Variants in ACER3 observed in about 807,000 individuals in gnomAD.
The protein encoded by ACER3 is alkaline ceramidase 3, also known as alkCDase 3.
ACER3 carries 16 observed loss-of-function variants against 48.9 expected under a neutral mutation model. That is an observed-to-expected ratio of 0.33 (90% CI 0.22 to 0.50). The LOEUF (loss-of-function observed/expected upper bound fraction) is 0.50. Among genes scored for constraint, ACER3 ranks in the 20% least tolerant of loss-of-function variants. The probability of loss-of-function intolerance (pLI) is 0.98; values close to 1 mark genes in which losing one functional copy is unlikely to be tolerated. For synonymous variants in ACER3, 109 were observed against 107.8 expected (o/e 1.01, Z -0.07); for missense variants, 227 against 326.0 (o/e 0.70, Z 2.34).
At chr11:76,918,656 A>C (rs1246661028) in intron 1 of ACER3, among the ~76,000 whole-genome samples, 3 of 152,002 alleles carry the variant, frequency 2.0e-5, no homozygotes, top group Non-Finnish European at 4.4e-5. Flanking sequence ...TATTCTATGG[A>C]TCTTTCTCAT....
intron 7 of ACER3, among the ~76,000 whole-genome samples, chr11:77,008,831 G>A (rs1467779033): frequency 2.0e-5 from 3 of 152,160 alleles, no homozygotes; most frequent in Non-Finnish European, 4.4e-5. Context: ...CAAGGCAGGA[G>A]GATTACTTGA....
rs199916449 is a variant in ACER3, at chr11:76,990,518, G to A, written c.403-21G>A. ...TTCATAATGTACTTCATTCACATGT[G>A]TTTTTTCTAATATTTTGCAGGTTTA... On this transcript the variant is annotated intron_variant, in intron 5 of 10. Coordinates refer to ENST00000532485, the MANE Select transcript of ACER3 (RefSeq NM_018367.7). 2.1e-4 allele frequency: 316 copies of A among 1,483,180 alleles called. No individual in the cohort carries two copies. In the East Asian group the frequency reaches 5.0e-3, roughly 23 times the overall value. The allele number at this position is 1,483,180 out of a possible 1,614,324, so 91.9% of individuals were successfully genotyped here. A position where few individuals can be genotyped will look rare whatever the true frequency, so the allele number is the denominator to read the frequency against.
chr11:76,952,927 A>G (rs1249066133), intron 2 of ACER3, among the ~76,000 whole-genome samples: 2 of 152,114 alleles, frequency 1.3e-5, no homozygotes, highest in African/African-American at 2.4e-5. Context: ...CAGCCTCCCA[A>G]AGTGCTGGGA....
chr11:76,922,158 C>T (rs1410146754), intron 1 of ACER3, among the ~76,000 whole-genome samples: 2 of 152,146 alleles, frequency 1.3e-5, no homozygotes, highest in Non-Finnish European at 1.5e-5. Context: ...TCCTTACTCT[C>T]TCTAACAAGC....
rs533766585 is a variant in ACER3 at position 76,963,081 on chromosome 11, G to A, written c.267+4050G>A. On this transcript the variant is annotated intron_variant, in intron 3 of 10. Coordinates refer to ENST00000532485, the MANE Select transcript of ACER3 (RefSeq NM_018367.7). The stretch of plus-strand genomic sequence containing the variant: ...AGTGCACCTGCACAGATAAGCCACA[G>A]ATAAGCAGGCAAGGCAGGAAAAGTC... Among the ~76,000 whole-genome samples the A allele has an allele frequency of 1.4e-3, 207 of 151,432 alleles. 1 individual carries two copies. Among genetic ancestry groups the A allele is most frequent in the Non-Finnish European group, 1.2e-3 (85 of 68,026 alleles).
intron 1 of ACER3, among the ~76,000 whole-genome samples, chr11:76,891,445 G>A (rs954454904): frequency 6.6e-6 from 1 of 152,012 alleles, no homozygotes; most frequent in Non-Finnish European, 1.5e-5. Context: ...ATCTGATTGT[G>A]AGTCATCTGG....
intron 1 of ACER3, among the ~76,000 whole-genome samples, chr11:76,864,851 AG>A (rs1945033975): frequency 6.6e-6 from 1 of 150,824 alleles, no homozygotes; most frequent in Non-Finnish European, 1.5e-5. Flanking sequence ...CCACCTGTTC[AG>A]CCTCCCAAAG....
rs78479597 is a variant in ACER3, at chr11:77,009,470, A to G, written c.498-5546A>G. On this transcript the variant is annotated intron_variant, in intron 7 of 10. Coordinates refer to ENST00000532485, the MANE Select transcript of ACER3 (RefSeq NM_018367.7). Reference sequence around the variant, plus strand: ...ACATGAGATCTGGAGGGAGCATCAAATCCAAAGAAGGAGCTGCAAACTACA... The same window carrying G: ...ACATGAGATCTGGAGGGAGCATCAAGTCCAAAGAAGGAGCTGCAAACTACA... Among the ~76,000 whole-genome samples the G allele has an allele frequency of 4.0e-3, 605 of 152,284 alleles. 1 individual carries two copies. The highest frequency in any genetic ancestry group is 6.9e-3 in the Non-Finnish European group (469 of 68,020).
intron 1 of ACER3, among the ~76,000 whole-genome samples, chr11:76,879,812 A>G (rs1213930768): frequency 6.6e-6 from 1 of 152,008 alleles, no homozygotes; most frequent in Non-Finnish European, 1.5e-5. Flanking sequence ...ATTTGCTTGT[A>G]TTTTTGGCAG....
intron 1 of ACER3, among the ~76,000 whole-genome samples, chr11:76,897,401 C>T (rs985242217): frequency 6.6e-6 from 1 of 152,174 alleles, no homozygotes; most frequent in Non-Finnish European, 1.5e-5. Context: ...TGCCATCATA[C>T]ATTAAGATCC....
At chr11:76,951,571 T>C (rs918658517) in intron 2 of ACER3, among the ~76,000 whole-genome samples, 1 of 152,222 alleles carries the variant, frequency 6.6e-6, no homozygotes, top group Non-Finnish European at 1.5e-5. Flanking sequence ...CCCATCTGGT[T>C]CACTTTAGAG....
intron 3 of ACER3, among the ~76,000 whole-genome samples, chr11:76,960,102 G>C (rs1173011190): frequency 2.0e-5 from 3 of 152,048 alleles, no homozygotes; most frequent in African/African-American, 7.3e-5. Context: ...ACACAGAAAT[G>C]GGTGAAAATA....
intron 1 of ACER3, among the ~76,000 whole-genome samples, chr11:76,896,772 A>G (rs144233099): frequency 5.9e-5 from 9 of 152,304 alleles, no homozygotes; most frequent in Non-Finnish European, 1.2e-4. Context: ...TTGAGAATCC[A>G]GAAGAGCTTT....
At chr11:76,922,204 G>C (rs1946702053) in intron 1 of ACER3, among the ~76,000 whole-genome samples, 1 of 152,070 alleles carries the variant, frequency 6.6e-6, no homozygotes, top group Non-Finnish European at 1.5e-5. Context: ...ATTCTAATTT[G>C]TAAAACTTGT....
chr11:76,886,266 G>C (rs919218546), intron 1 of ACER3, among the ~76,000 whole-genome samples: 1 of 152,162 alleles, frequency 6.6e-6, no homozygotes, highest in Non-Finnish European at 1.5e-5. Flanking sequence ...AGGAACTTTG[G>C]GAAGATTAGT....
intron 1 of ACER3, among the ~76,000 whole-genome samples, chr11:76,913,769 G>A (rs1013642737): frequency 3.3e-5 from 5 of 152,100 alleles, no homozygotes; most frequent in Admixed American, 6.6e-5. Context: ...GAACAAAGCT[G>A]GAGGCATCAC....
chr11:77,011,315 C>T, intron 7 of ACER3: 7 of 985,450 alleles, frequency 7.1e-6, no homozygotes, highest in Non-Finnish European at 8.4e-6. Flanking sequence ...CAAAGACATT[C>T]ATTTTACCCC....
intron 1 of ACER3, among the ~76,000 whole-genome samples, chr11:76,891,850 A>G (rs1945813219): frequency 6.6e-6 from 1 of 152,230 alleles, no homozygotes; most frequent in Non-Finnish European, 1.5e-5. Context: ...AAAATAGGAA[A>G]AAGCACATCG....
chr11:76,967,829 A>G (rs1948180031), intron 3 of ACER3, among the ~76,000 whole-genome samples: 1 of 152,190 alleles, frequency 6.6e-6, no homozygotes, highest in East Asian at 1.9e-4. Flanking sequence ...ACCCACAGCC[A>G]ATATCATACT....
Sources: gnomAD v4.1 joint callset for allele counts (sites outside exome capture counted in the v4.1 genomes callset) on GRCh38, gnomAD v4.1.1 for gene constraint, MANE v1.5 for transcripts, NCBI Gene and HGNC (gene_info 2026-07-23, HGNC 2026-07-21) for gene names.